Variants in NKAIN3 observed in about 807,000 individuals in gnomAD.
NKAIN3 encodes the protein sodium/potassium transporting ATPase interacting 3.
NKAIN3 carries 25 observed loss-of-function variants against 30.2 expected under a neutral mutation model. The ratio of observed to expected loss-of-function variants is 0.83; its 90% CI spans 0.60 to 1.16. The LOEUF (loss-of-function observed/expected upper bound fraction) is 1.16, where lower values mean the gene tolerates loss of function less well. NKAIN3 is among the 50% of genes most tolerant of loss of function. The probability of loss-of-function intolerance (pLI) is 0.00; values close to 1 mark genes in which losing one functional copy is unlikely to be tolerated. For synonymous variants in NKAIN3, 91 were observed against 89.6 expected (o/e 1.02, Z -0.09); for missense variants, 225 against 254.1 (o/e 0.89, Z 0.78).
At chr8:62,826,185 C>T (rs1819016148) in intron 4 of NKAIN3, among the ~76,000 whole-genome samples, 1 of 151,850 alleles carries the variant, frequency 6.6e-6, no homozygotes, top group African/African-American at 2.4e-5. Flanking sequence ...CTTAAAAGAA[C>T]AATAGATCGT....
intron 1 of NKAIN3, among the ~76,000 whole-genome samples, chr8:62,340,117 G>A (rs1815693904): frequency 6.6e-6 from 1 of 152,034 alleles, no homozygotes. Context: ...AAGCCTGCAG[G>A]AAAACTGTAT....
intron 4 of NKAIN3, among the ~76,000 whole-genome samples, chr8:62,804,961 T>C (rs1041361175): frequency 9.2e-5 from 14 of 152,184 alleles, no homozygotes; most frequent in Non-Finnish European, 1.2e-4. Context: ...AGTCTCAGGA[T>C]ACAAAATAAA....
At chr8:62,841,028 T>C (rs1189241653) in intron 4 of NKAIN3, among the ~76,000 whole-genome samples, 2 of 152,142 alleles carry the variant, frequency 1.3e-5, no homozygotes, top group East Asian at 1.9e-4. Flanking sequence ...GGTAGCATAA[T>C]GGACCTCCAA....
Position 62,976,305 on chromosome 8 carries a change from T to C in NKAIN3, c.*10898T>C, listed in dbSNP as rs1473370664. Among the ~76,000 whole-genome samples, 1 of 152,156 alleles carries C rather than the reference T, an allele frequency of 6.6e-6. No homozygotes were observed. The highest frequency in any genetic ancestry group is 1.9e-4 in the East Asian group (1 of 5,178). Reference sequence around the variant, plus strand: ...GGAGTGTTAAAGTCTCCCACTATTATTGTGTGGTAGTCTAAGTCTCTTTGT... The same window carrying C: ...GGAGTGTTAAAGTCTCCCACTATTACTGTGTGGTAGTCTAAGTCTCTTTGT... On this transcript the variant is annotated 3_prime_UTR_variant, in exon 7 of 7. Transcript: ENST00000623646.
At chr8:62,700,287 A>G (rs182315780) in intron 3 of NKAIN3, among the ~76,000 whole-genome samples, 4 of 152,356 alleles carry the variant, frequency 2.6e-5, no homozygotes, top group African/African-American at 9.6e-5. Context: ...TTGACAATTC[A>G]GAGAAGTTAC....
chr8:62,565,152 T>C (rs1809710649), intron 1 of NKAIN3, among the ~76,000 whole-genome samples: 1 of 152,158 alleles, frequency 6.6e-6, no homozygotes, highest in Non-Finnish European at 1.5e-5. Flanking sequence ...TCAATACATC[T>C]TGGATATACA....
intron 1 of NKAIN3, among the ~76,000 whole-genome samples, chr8:62,560,928 T>A (rs1049205267): frequency 2.6e-5 from 4 of 152,180 alleles, no homozygotes; most frequent in African/African-American, 9.6e-5. Flanking sequence ...AATTTTTTAT[T>A]CTTCTTTATA....
At position 62,975,308 on chromosome 8, in the gene NKAIN3, T is replaced by C. The variant is rs1270763848; in HGVS notation, c.*9901T>C. On this transcript the variant is annotated 3_prime_UTR_variant, in exon 7 of 7. Transcript: ENST00000623646. ...CTGGTCCTGGGCTTTTTTTTTTAGT[T>C]GGTCAGCTATTAATTACTGCCTCAA... Among the ~76,000 whole-genome samples, 1 of 152,166 alleles carries C rather than the reference T, an allele frequency of 6.6e-6. No homozygotes were observed. The highest frequency in any genetic ancestry group is 1.5e-5 in the Non-Finnish European group (1 of 68,022).
intron 3 of NKAIN3, among the ~76,000 whole-genome samples, chr8:62,608,781 G>T (rs1050356505): frequency 6.6e-6 from 1 of 152,034 alleles, no homozygotes; most frequent in Admixed American, 6.6e-5. Flanking sequence ...TTGGCTTTGG[G>T]GGGATCTAAT....
chr8:62,806,545 A>G (rs1159535067), intron 4 of NKAIN3, among the ~76,000 whole-genome samples: 1 of 152,164 alleles, frequency 6.6e-6, no homozygotes, highest in Non-Finnish European at 1.5e-5. Context: ...TCAGTAAACT[A>G]TCAGAAGGAC....
rs1321764682 is a variant in NKAIN3 at position 62,969,659 on chromosome 8, T to G, written c.*4252T>G. Among the ~76,000 whole-genome samples the G allele has an allele frequency of 1.3e-5, 2 of 152,204 alleles. No individual in the cohort carries two copies. Among genetic ancestry groups the G allele is most frequent in the African/African-American group, 4.8e-5 (2 of 41,452 alleles). ...ACGTTCTTTCCAGGTATAGCTGAATTAAGTAGGAAAAATATAAATAATTGC... is the reference window on the plus strand; with the variant it reads ...ACGTTCTTTCCAGGTATAGCTGAATGAAGTAGGAAAAATATAAATAATTGC... On this transcript the variant is annotated 3_prime_UTR_variant, in exon 7 of 7. Coordinates refer to ENST00000623646, the MANE Select transcript of NKAIN3 (RefSeq NM_001304533.3).
chr8:62,725,882 T>C lies in NKAIN3; in HGVS notation c.274-21050T>C, dbSNP rs186923381. On this transcript the variant is annotated intron_variant, in intron 3 of 6. Transcript: ENST00000623646. ...ATTTTTTTTCTATCTATATGAAGAA[T>C]GTCATTGATATTTAATAAGGATTGC... 2.4e-4 allele frequency among the ~76,000 whole-genome samples: 37 copies of C among 152,236 alleles called. No individual in the cohort carries two copies. The East Asian group carries it at 6.6e-3, about 27-fold the overall frequency.
intron 1 of NKAIN3, among the ~76,000 whole-genome samples, chr8:62,530,021 C>T (rs756432523): frequency 6.6e-6 from 1 of 152,138 alleles, no homozygotes; most frequent in Non-Finnish European, 1.5e-5. Flanking sequence ...AGTTTGGTTA[C>T]TCTAAATGTA....
At chr8:62,320,702 G>T (rs1249878029) in intron 1 of NKAIN3, among the ~76,000 whole-genome samples, 1 of 152,214 alleles carries the variant, frequency 6.6e-6, no homozygotes, top group African/African-American at 2.4e-5. Flanking sequence ...CAAGAGATCA[G>T]CTGTTAGTCT....
intron 3 of NKAIN3, among the ~76,000 whole-genome samples, chr8:62,737,056 G>A (rs1815697412): frequency 6.6e-6 from 1 of 152,158 alleles, no homozygotes; most frequent in African/African-American, 2.4e-5. Flanking sequence ...CTTTCTCACA[G>A]AACCTATAGC....
intron 1 of NKAIN3, among the ~76,000 whole-genome samples, chr8:62,417,199 C>T (rs1015335647): frequency 5.3e-5 from 8 of 152,002 alleles, no homozygotes; most frequent in African/African-American, 1.7e-4. Context: ...TTTTTTAGAT[C>T]CCACAAGTAA....
At chr8:62,516,898 C>T (rs985952055) in intron 1 of NKAIN3, among the ~76,000 whole-genome samples, 15 of 152,034 alleles carry the variant, frequency 9.9e-5, no homozygotes, top group African/African-American at 3.6e-4. Context: ...ATTTGATCTC[C>T]ACCCCGCTTC....
chr8:62,378,507 G>T (rs1817168331), intron 1 of NKAIN3, among the ~76,000 whole-genome samples: 1 of 152,214 alleles, frequency 6.6e-6, no homozygotes, highest in Admixed American at 6.5e-5. Flanking sequence ...AGGCCTAGGA[G>T]GGAAAAATGA....
intron 1 of NKAIN3, among the ~76,000 whole-genome samples, chr8:62,266,547 A>G (rs371082362): frequency 6.6e-6 from 1 of 152,218 alleles, no homozygotes; most frequent in African/African-American, 2.4e-5. Context: ...TATGTAATTT[A>G]AAGGAAATCT....
Sources: gnomAD v4.1 joint callset for allele counts (sites outside exome capture counted in the v4.1 genomes callset) on GRCh38, gnomAD v4.1.1 for gene constraint, MANE v1.5 for transcripts, NCBI Gene and HGNC (gene_info 2026-07-23, HGNC 2026-07-21) for gene names.